Variants in CD44 observed in about 807,000 individuals in gnomAD.
The protein encoded by CD44 is CD44 molecule (IN blood group).
Under a neutral mutation model 88.8 loss-of-function variants are expected in CD44, and 49 were observed. That is an observed-to-expected ratio of 0.55 (90% CI 0.44 to 0.70). The LOEUF is 0.70. CD44 is among the 30% of genes least tolerant of loss of function. The pLI is 0.00. For missense variants in CD44, 883 were observed against 913.8 expected, an observed-to-expected ratio of 0.97 and a Z score of 0.43; for synonymous variants, 325 against 312.3, an observed-to-expected ratio of 1.04 and a Z score of -0.43.
chr11:35,224,060 G>A (rs916968660), intron 17 of CD44, among the ~76,000 whole-genome samples: 1 of 152,168 alleles, frequency 6.6e-6, no homozygotes, highest in African/African-American at 2.4e-5. Context: ...TCTTGAATTT[G>A]AATTGGCTAA....
chr11:35,141,820 A>G (rs1448409003), intron 1 of CD44, among the ~76,000 whole-genome samples: 1 of 152,136 alleles, frequency 6.6e-6, no homozygotes, highest in African/African-American at 2.4e-5. Flanking sequence ...AGGAGACATG[A>G]CTTTGTCAGA....
intron 3 of CD44, among the ~76,000 whole-genome samples, chr11:35,186,344 T>C (rs1945677343): frequency 6.6e-6 from 1 of 152,252 alleles, no homozygotes; most frequent in Admixed American, 6.5e-5. Flanking sequence ...AACATTTGAT[T>C]GTGTGTCTGC....
chr11:35,157,192 C>G (rs1941978880), intron 1 of CD44, among the ~76,000 whole-genome samples: 1 of 152,158 alleles, frequency 6.6e-6, no homozygotes, highest in African/African-American at 2.4e-5. Context: ...TTTGAAGTCC[C>G]CATATCCACT....
chr11:35,145,876 A>T (rs1859046976), intron 1 of CD44, among the ~76,000 whole-genome samples: 1 of 152,202 alleles, frequency 6.6e-6, no homozygotes, highest in African/African-American at 2.4e-5. Context: ...TTCGGGGGCA[A>T]ATCCGTAGGG....
intron 1 of CD44, among the ~76,000 whole-genome samples, chr11:35,145,451 T>G (rs1489101005): frequency 6.6e-6 from 1 of 151,996 alleles, no homozygotes; most frequent in African/African-American, 2.4e-5. Context: ...AGGCCTCATG[T>G]TTGGTCTACC....
At chr11:35,198,315 T>C (rs993621962) in intron 7 of CD44, 69 bp downstream of exon 7, 4 of 1,443,268 alleles carry the variant, frequency 2.8e-6, no homozygotes, top group Non-Finnish European at 3.8e-6. Flanking sequence ...GATACCAAAT[T>C]GTATCTCTCT....
In CD44 at chr11:35,139,230, TCCG is replaced by T. The variant is rs1857403224; in HGVS notation, c.-70_-68del. ...TCGGTCCGCCATCCTCGTCCCGTCC[TCCG>T]CCGGCCCCTGCCCCGCGCCCAGGGA... On this transcript the variant is annotated 5_prime_UTR_variant, in exon 1 of 18. Coordinates refer to ENST00000428726, the MANE Select transcript of CD44 (RefSeq NM_000610.4). The T allele has an allele frequency of 8.1e-7, 1 of 1,239,884 alleles. No homozygotes were observed. The highest frequency in any genetic ancestry group is 1.2e-6 in the Non-Finnish European group (1 of 864,694). The allele number at this position is 1,239,884 out of a possible 1,614,324, so 76.8% of individuals were successfully genotyped here.
At chr11:35,191,956 C>A (rs1946312985) in intron 5 of CD44, among the ~76,000 whole-genome samples, 1 of 152,158 alleles carries the variant, frequency 6.6e-6, no homozygotes, top group Non-Finnish European at 1.5e-5. Flanking sequence ...TTTATTCATT[C>A]AATCAATATC....
At chr11:35,154,557 C>A (rs1004242035) in intron 1 of CD44, among the ~76,000 whole-genome samples, 1 of 152,188 alleles carries the variant, frequency 6.6e-6, no homozygotes, top group African/African-American at 2.4e-5. Context: ...CTAGCTAATT[C>A]AAATGCTTGG....
intron 1 of CD44, among the ~76,000 whole-genome samples, chr11:35,157,177 T>C (rs1941976567): frequency 6.6e-6 from 1 of 152,240 alleles, no homozygotes; most frequent in Admixed American, 6.5e-5. Flanking sequence ...ATTTGGATTC[T>C]CCTTTTTGAA....
At chr11:35,174,186 G>T (rs946590725) in intron 1 of CD44, among the ~76,000 whole-genome samples, 3 of 152,178 alleles carry the variant, frequency 2.0e-5, no homozygotes, top group Admixed American at 2.0e-4. Context: ...GCTCTAGATA[G>T]AGGTACTCAC....
intron 17 of CD44, among the ~76,000 whole-genome samples, chr11:35,225,799 G>A (rs558036085): frequency 6.6e-6 from 1 of 152,120 alleles, no homozygotes; most frequent in East Asian, 1.9e-4. Context: ...CCTGGTTGAT[G>A]AAGTGAGACT....
chr11:35,148,425 A>G (rs1005206073), intron 1 of CD44, among the ~76,000 whole-genome samples: 11 of 152,238 alleles, frequency 7.2e-5, no homozygotes, highest in Non-Finnish European at 1.0e-4. Flanking sequence ...AGTTCGGGGA[A>G]GAAATCTCCT....
intron 12 of CD44, 103 bp downstream of exon 12, chr11:35,208,309 T>G (rs12280375): frequency 3.7e-6 from 3 of 807,482 alleles, no homozygotes; most frequent in Non-Finnish European, 6.6e-6. Flanking sequence ...AATGGTGCTA[T>G]GTGGCTTACT....
At chr11:35,165,378 G>A (rs1402264460) in intron 1 of CD44, among the ~76,000 whole-genome samples, 2 of 152,162 alleles carry the variant, frequency 1.3e-5, no homozygotes, top group Admixed American at 1.3e-4. Context: ...CAAACTCTCC[G>A]TAAGACTTTG....
intron 5 of CD44, among the ~76,000 whole-genome samples, chr11:35,190,813 G>A (rs147470340): frequency 6.6e-6 from 1 of 152,328 alleles, no homozygotes; most frequent in Non-Finnish European, 1.5e-5. Context: ...AATCCAGCCT[G>A]TTGGGGAATG....
chr11:35,205,169 C>T (rs1947711124), intron 10 of CD44, among the ~76,000 whole-genome samples: 1 of 152,188 alleles, frequency 6.6e-6, no homozygotes, highest in South Asian at 2.1e-4. Context: ...AAGGTATCTT[C>T]TCTATTCTTG....
intron 5 of CD44, among the ~76,000 whole-genome samples, chr11:35,190,924 C>G (rs563173992): frequency 9.3e-4 from 141 of 152,274 alleles, no homozygotes; most frequent in African/African-American, 3.3e-3. Flanking sequence ...GTTTGCCCCT[C>G]GCGCTTCAGC....
Position 35,196,756 on chromosome 11 carries a change from CACT to C in CD44, c.680_682del (p.Thr227del). ...TCATGATTACAACAGCTTTGATGAG[CACT>C]AGTGCTACAGCAACTGAGACAGCAA... On this transcript the variant is annotated inframe_deletion, in exon 6 of 18. Coordinates refer to ENST00000428726, the MANE Select transcript of CD44 (RefSeq NM_000610.4). 6.2e-7 allele frequency: 1 copy of C among 1,613,696 alleles called. No individual in the cohort carries two copies. Among genetic ancestry groups the C allele is most frequent in the Non-Finnish European group, 8.5e-7 (1 of 1,179,706 alleles).
Sources: allele counts gnomAD v4.1 joint callset (sites outside exome capture counted in the v4.1 genomes callset), GRCh38; gene constraint gnomAD v4.1.1; transcripts MANE v1.5; gene names NCBI Gene and HGNC (gene_info 2026-07-23, HGNC 2026-07-21).